AOAH: variants seen among roughly 807,000 people sequenced by gnomAD.
The protein encoded by AOAH is acyloxyacyl hydrolase.
In AOAH, 64 loss-of-function variants were observed where a neutral mutation model predicts 92.2. That is an observed-to-expected ratio of 0.69 (90% CI 0.57 to 0.86). The LOEUF (loss-of-function observed/expected upper bound fraction) is 0.86, where lower values mean the gene tolerates loss of function less well. Ranked by LOEUF, AOAH falls within the 40% of genes least tolerant of loss-of-function variation. The probability of loss-of-function intolerance (pLI) is 0.00; values close to 1 mark genes in which losing one functional copy is unlikely to be tolerated. For missense variants in AOAH, 656 were observed against 694.6 expected, an observed-to-expected ratio of 0.94 and a Z score of 0.62; for synonymous variants, 263 against 254.5, an observed-to-expected ratio of 1.03 and a Z score of -0.32.
At chr7:36,513,444 T>C in intron 20 of AOAH, 64 bp from the exon 21 acceptor site, 1 of 1,542,928 alleles carries the variant, frequency 6.5e-7, no homozygotes, top group South Asian at 1.2e-5. Flanking sequence ...ACCAACAAGA[T>C]TTCCCACGTG....
At chr7:36,628,019 G>A (rs777567899) in intron 6 of AOAH, among the ~76,000 whole-genome samples, 6 of 152,152 alleles carry the variant, frequency 3.9e-5, no homozygotes, top group African/African-American at 1.2e-4. Flanking sequence ...GGTTGGTTGC[G>A]TATGTGGGTG....
chr7:36,591,859 G>A (rs187424955), intron 12 of AOAH, among the ~76,000 whole-genome samples: 42 of 152,296 alleles, frequency 2.8e-4, no homozygotes, highest in East Asian at 1.7e-3. Context: ...TGGTGTGTGC[G>A]AGCTGTAAGC....
chr7:36,595,356 A>G lies in AOAH; in HGVS notation c.847-926T>C, dbSNP rs117702973. 5.2e-4 allele frequency among the ~76,000 whole-genome samples: 79 copies of G among 152,314 alleles called. 2 individuals carry two copies. The East Asian group carries it at 7.2e-3, about 14-fold the overall frequency. Reference sequence around the variant, plus strand: ...TGAGACCAGCCTGGGCAACATAGTTAAAATTGGTTTCTACAAAAAATAACA... The same window carrying G: ...TGAGACCAGCCTGGGCAACATAGTTGAAATTGGTTTCTACAAAAAATAACA... On this transcript the variant is annotated intron_variant, in intron 11 of 20. Transcript: ENST00000617537.
intron 13 of AOAH, among the ~76,000 whole-genome samples, chr7:36,554,070 A>C (rs1324169272): frequency 3.9e-5 from 6 of 152,256 alleles, no homozygotes; most frequent in East Asian, 1.9e-4. Context: ...TGCCTATGTC[A>C]TGAATGGTAA....
intron 13 of AOAH, chr7:36,550,104 C>A (rs1409538198): frequency 1.3e-5 from 2 of 151,942 alleles, no homozygotes; most frequent in African/African-American, 4.9e-5. Flanking sequence ...CCTGTAATCC[C>A]AGCACTTTGG....
chr7:36,701,396 G>A (rs1798022321), intron 1 of AOAH, among the ~76,000 whole-genome samples: 1 of 151,304 alleles, frequency 6.6e-6, no homozygotes, highest in Admixed American at 6.6e-5. Context: ...CTCTACTGTT[G>A]CATTGCCTGG....
rs564621532 is a variant in AOAH, at chr7:36,632,262, C to A, written c.451-156G>T. 5.3e-4 allele frequency among the ~76,000 whole-genome samples: 80 copies of A among 152,228 alleles called. 1 individual carries two copies. The highest frequency in any genetic ancestry group is 1.9e-3 in the African/African-American group (78 of 41,550). On this transcript the variant is annotated intron_variant, in intron 5 of 20. Transcript: ENST00000617537. Reference sequence around the variant, plus strand: ...TAAATTTACCTCTTGTTCCTGTCCCCACCATCCATATCCATGCCACTGCCT... The same window carrying A: ...TAAATTTACCTCTTGTTCCTGTCCCAACCATCCATATCCATGCCACTGCCT...
intron 4 of AOAH, among the ~76,000 whole-genome samples, chr7:36,658,532 T>G (rs974947391): frequency 1.3e-5 from 2 of 152,138 alleles, no homozygotes. Flanking sequence ...CTACACAAAA[T>G]GATATAATGC....
At chr7:36,654,847 A>T (rs1445501093) in intron 4 of AOAH, among the ~76,000 whole-genome samples, 1 of 152,142 alleles carries the variant, frequency 6.6e-6, no homozygotes, top group Non-Finnish European at 1.5e-5. Context: ...AGAAAAACAG[A>T]CCCTAGATAA....
intron 2 of AOAH, among the ~76,000 whole-genome samples, chr7:36,681,107 A>G (rs1796615972): frequency 6.6e-6 from 1 of 152,228 alleles, no homozygotes; most frequent in African/African-American, 2.4e-5. Flanking sequence ...ACTTGAGGTT[A>G]TACCTGCCAA....
At chr7:36,601,298 T>C (rs1168533224) in intron 11 of AOAH, among the ~76,000 whole-genome samples, 1 of 152,158 alleles carries the variant, frequency 6.6e-6, no homozygotes, top group East Asian at 1.9e-4. Context: ...GAGTCTCATA[T>C]TGAGGGAAAG....
intron 5 of AOAH, 39 bp downstream of exon 5, chr7:36,637,812 C>G (rs369344842): frequency 6.3e-7 from 1 of 1,598,398 alleles, no homozygotes; most frequent in Admixed American, 1.7e-5. Context: ...AGAGGACATG[C>G]CAAGGAAAAG....
At chr7:36,665,865 A>C (rs1046130270) in intron 3 of AOAH, among the ~76,000 whole-genome samples, 1 of 152,092 alleles carries the variant, frequency 6.6e-6, no homozygotes, top group Non-Finnish European at 1.5e-5. Context: ...TGATTTTTGA[A>C]TGTTGAACCA....
At chr7:36,604,789 A>G (rs1038856353) in intron 11 of AOAH, among the ~76,000 whole-genome samples, 9 of 152,210 alleles carry the variant, frequency 5.9e-5, no homozygotes, top group Non-Finnish European at 1.3e-4. Context: ...TTAAGTCACC[A>G]AATTTGGGAC....
chr7:36,519,555 C>T (rs1409921278), intron 20 of AOAH, among the ~76,000 whole-genome samples: 4 of 152,222 alleles, frequency 2.6e-5, no homozygotes, highest in Admixed American at 2.0e-4. Context: ...CTCAGCCTCC[C>T]AAGTAGCTGG....
intron 1 of AOAH, among the ~76,000 whole-genome samples, chr7:36,688,832 TAC>T (rs200191119): frequency 0.049 from 7,432 of 151,912 alleles, 346 homozygotes; most frequent in African/African-American, 0.11. Context: ...TGTGTATATA[TAC>T]ATATATATAT....
chr7:36,518,131 C>T (rs949936617), intron 20 of AOAH, among the ~76,000 whole-genome samples: 5 of 152,066 alleles, frequency 3.3e-5, no homozygotes, highest in East Asian at 1.9e-4. Context: ...GTAGTCTTAT[C>T]CTATATACTT....
chr7:36,566,359 CT>C (rs11363143), intron 13 of AOAH, among the ~76,000 whole-genome samples: 52,017 of 120,462 alleles, frequency 0.43, 9,533 homozygotes, highest in Non-Finnish European at 0.5. Flanking sequence ...TCATCCTTAA[CT>C]TTTTTTTTTT....
At chr7:36,638,582 G>C (rs1793683872) in intron 4 of AOAH, among the ~76,000 whole-genome samples, 1 of 152,146 alleles carries the variant, frequency 6.6e-6, no homozygotes, top group African/African-American at 2.4e-5. Context: ...ATTTGTGGAG[G>C]GGTGGGAGAA....
Sources: allele counts gnomAD v4.1 joint callset (sites outside exome capture counted in the v4.1 genomes callset), GRCh38; gene constraint gnomAD v4.1.1; transcripts MANE v1.5; gene names NCBI Gene and HGNC (gene_info 2026-07-23, HGNC 2026-07-21).